PLXNA4: variants seen among roughly 807,000 people sequenced by gnomAD.
PLXNA4 encodes the protein plexin-A4.
In PLXNA4, 44 loss-of-function variants were observed where a neutral mutation model predicts 191.8. The observed-to-expected ratio is 0.23, with a 90% CI of 0.18 to 0.29. The LOEUF (loss-of-function observed/expected upper bound fraction) is 0.29. Among genes scored for constraint, PLXNA4 ranks in the 10% least tolerant of loss-of-function variants. PLXNA4 has a pLI of 1.00. For synonymous variants in PLXNA4, 1,082 were observed against 1,009.5 expected (o/e 1.07, Z -1.36); for missense variants, 1,800 against 2,488.8 (o/e 0.72, Z 5.89).
chr7:132,266,284 G>A (rs1799856040), intron 4 of PLXNA4: 2 of 152,188 alleles, frequency 1.3e-5, no homozygotes, highest in Non-Finnish European at 2.9e-5. Flanking sequence ...CAAAGACTGT[G>A]TGCATTTGAA....
At chr7:132,341,166 T>A (rs1413433055) in intron 3 of PLXNA4, among the ~76,000 whole-genome samples, 1 of 152,196 alleles carries the variant, frequency 6.6e-6, no homozygotes, top group Non-Finnish European at 1.5e-5. Flanking sequence ...CTGAATTCTA[T>A]CTGAGGATAA....
intron 3 of PLXNA4, among the ~76,000 whole-genome samples, chr7:132,481,806 T>C (rs1563124302): frequency 6.6e-6 from 1 of 152,152 alleles, no homozygotes; most frequent in Non-Finnish European, 1.5e-5. Flanking sequence ...CTGCCCTCTC[T>C]CCAGATGAAC....
chr7:132,561,788 A>C (rs1393697306), intron 1 of PLXNA4, among the ~76,000 whole-genome samples: 131 of 34,104 alleles, frequency 3.8e-3, no homozygotes, highest in African/African-American at 4.6e-3. Context: ...CCTCGTCCTT[A>C]ACCTCCTCCT....
At chr7:132,144,993 A>G in intron 29 of PLXNA4, 126 bp downstream of exon 29, 1 of 1,379,324 alleles carries the variant, frequency 7.2e-7, no homozygotes, top group Non-Finnish European at 1.0e-6. Context: ...GCCTGCTCAG[A>G]GTCCCTGCTG....
intron 29 of PLXNA4, among the ~76,000 whole-genome samples, 158 bp downstream of exon 29, chr7:132,144,961 G>T (rs1230484215): frequency 1.3e-5 from 2 of 152,206 alleles, no homozygotes; most frequent in Admixed American, 1.3e-4. Flanking sequence ...AGGAAGAGTG[G>T]ATGGGGAGGA....
Position 132,212,319 on chromosome 7 carries a change from T to C in PLXNA4, c.2098-1176A>G, listed in dbSNP as rs193062980. Among the ~76,000 whole-genome samples the C allele has an allele frequency of 2.0e-5, 3 of 152,162 alleles. No individual in the cohort carries two copies. The East Asian group carries it at 5.8e-4, about 29-fold the overall frequency. The stretch of plus-strand genomic sequence containing the variant: ...AGGCAGAAAGGAAGCCACTGGGAAA[T>C]GGTGGAAGGGAGGGGTTCTAGGCAG... On this transcript the variant is annotated intron_variant, in intron 9 of 31. Coordinates refer to ENST00000321063, the MANE Select transcript of PLXNA4 (RefSeq NM_020911.2).
At chr7:132,281,834 G>T (rs763531843) in intron 4 of PLXNA4, among the ~76,000 whole-genome samples, 1 of 152,196 alleles carries the variant, frequency 6.6e-6, no homozygotes, top group Non-Finnish European at 1.5e-5. Context: ...TCCATAAGCA[G>T]CAGACCTCTG....
intron 3 of PLXNA4, chr7:132,384,527 A>G: frequency 1.0e-6 from 1 of 986,924 alleles, no homozygotes; most frequent in African/African-American, 1.7e-5. Flanking sequence ...GAGACTGGAC[A>G]ACACCAATTA....
At chr7:132,447,747 G>C (rs1465764080) in intron 3 of PLXNA4, among the ~76,000 whole-genome samples, 1 of 152,036 alleles carries the variant, frequency 6.6e-6, no homozygotes, top group African/African-American at 2.4e-5. Context: ...CAACACTTTG[G>C]GAGGCCGAGT....
intron 25 of PLXNA4, among the ~76,000 whole-genome samples, chr7:132,148,957 A>G (rs780973759): frequency 6.6e-6 from 1 of 152,230 alleles, no homozygotes; most frequent in African/African-American, 2.4e-5. Context: ...TTGGCCAAAC[A>G]AAAGAGGCAC....
At chr7:132,441,939 T>A (rs1296689493) in intron 3 of PLXNA4, among the ~76,000 whole-genome samples, 2 of 152,132 alleles carry the variant, frequency 1.3e-5, no homozygotes, top group Non-Finnish European at 2.9e-5. Context: ...GCCAACTGCT[T>A]TGTGAAGTGG....
chr7:132,303,248 A>ATTTTT (rs201091759), intron 3 of PLXNA4, among the ~76,000 whole-genome samples: 3 of 129,792 alleles, frequency 2.3e-5, no homozygotes, highest in South Asian at 2.5e-4. Flanking sequence ...ACAGAAGTTG[A>ATTTTT]TTTTTTTTTT....
chr7:132,486,240 C>T (rs1392863462), intron 3 of PLXNA4, among the ~76,000 whole-genome samples: 1 of 152,234 alleles, frequency 6.6e-6, no homozygotes, highest in Non-Finnish European at 1.5e-5. Context: ...TCCTGCAGCT[C>T]CACAACTTGT....
chr7:132,588,634 A>AGGAAGGGAAGAGAAGGGAAGGGAAG (rs1802545403), intron 2 of PLXNA4, among the ~76,000 whole-genome samples: 1 of 59,944 alleles, frequency 1.7e-5, no homozygotes, highest in African/African-American at 6.0e-5. Flanking sequence ...TGAGGAAGGA[A>AGGAAGGGAAGAGAAGGGAAGGGAAG]GGAAGGGAAG....
intron 3 of PLXNA4, among the ~76,000 whole-genome samples, chr7:132,305,842 C>T (rs972509024): frequency 2.6e-5 from 4 of 152,180 alleles, no homozygotes; most frequent in African/African-American, 7.2e-5. Flanking sequence ...CACCTCTGCA[C>T]TCTCCCTTTC....
intron 2 of PLXNA4, among the ~76,000 whole-genome samples, chr7:132,492,955 A>G (rs1797863639): frequency 6.6e-6 from 1 of 152,176 alleles, no homozygotes; most frequent in African/African-American, 2.4e-5. Flanking sequence ...CACTGCAAAC[A>G]CAGTATGCAT....
intron 2 of PLXNA4, among the ~76,000 whole-genome samples, chr7:132,645,391 G>A (rs765928260): frequency 1.3e-5 from 2 of 152,148 alleles, no homozygotes; most frequent in African/African-American, 2.4e-5. Flanking sequence ...CTTCACGTGC[G>A]CTGTCTCTCC....
At chr7:132,549,055 C>T (rs1800437142) in intron 1 of PLXNA4, among the ~76,000 whole-genome samples, 1 of 152,144 alleles carries the variant, frequency 6.6e-6, no homozygotes, top group Non-Finnish European at 1.5e-5. Context: ...AATCTCTGCC[C>T]CTTTTCTGGA....
At chr7:132,599,613 G>A (rs1247500916) in intron 2 of PLXNA4, among the ~76,000 whole-genome samples, 1 of 151,614 alleles carries the variant, frequency 6.6e-6, no homozygotes, top group Admixed American at 6.6e-5. Flanking sequence ...GTGTTTTCTA[G>A]GTAAGTGATC....
Sources: allele counts gnomAD v4.1 joint callset (sites outside exome capture counted in the v4.1 genomes callset), GRCh38; gene constraint gnomAD v4.1.1; transcripts MANE v1.5; gene names NCBI Gene and HGNC (gene_info 2026-07-23, HGNC 2026-07-21).